The following SLC2A11 variants were observed in gnomAD, a reference collection of about 807,000 sequenced individuals.
SLC2A11 encodes the protein solute carrier family 2, facilitated glucose transporter member 11.
In SLC2A11, 43 loss-of-function variants were observed where a neutral mutation model predicts 52.1. That is an observed-to-expected ratio of 0.82 (90% CI 0.65 to 1.06). The LOEUF (loss-of-function observed/expected upper bound fraction) is 1.06, where lower values mean the gene tolerates loss of function less well. SLC2A11 is among the 50% of genes least tolerant of loss of function. SLC2A11 has a pLI of 0.00. For synonymous variants in SLC2A11, 261 were observed against 277.6 expected, an observed-to-expected ratio of 0.94 and a Z score of 0.59; for missense variants, 582 against 654.2, an observed-to-expected ratio of 0.89 and a Z score of 1.20.
chr22:23,859,004 C>T (rs1386301485), intron 1 of SLC2A11, among the ~76,000 whole-genome samples: 1 of 152,218 alleles, frequency 6.6e-6, no homozygotes, highest in Non-Finnish European at 1.5e-5. Flanking sequence ...TGAATGCTTA[C>T]CATGACCAGG....
upstream of SLC2A11, chr22:23,857,185 C>T: frequency 2.4e-6 from 2 of 842,674 alleles, no homozygotes; most frequent in Admixed American, 4.9e-5. Context: ...CCGGCAGTGG[C>T]GACCGGCGCA....
Position 23,869,888 on chromosome 22 carries a change from T to C in SLC2A11, c.290+1247T>C, listed in dbSNP as rs1179479356. The C allele has an allele frequency of 4.8e-5, 32 of 671,498 alleles. No homozygotes were observed. In the South Asian group the frequency reaches 5.4e-4, roughly 11 times the overall value. 41.6% of individuals were successfully genotyped at this position (671,498 alleles called of 1,614,324 possible). ...AAAGGGCGAATGCTGTGTCCTCATA[T>C]GGTGAAAGACAAAAGGGCAAAAGGC... On this transcript the variant is annotated intron_variant, in intron 3 of 11. Transcript: ENST00000316185.
chr22:23,863,608 GTTTTTTT>G (rs71184923), intron 2 of SLC2A11, among the ~76,000 whole-genome samples: 2 of 86,784 alleles, frequency 2.3e-5, no homozygotes, highest in Admixed American at 1.4e-4. Flanking sequence ...TCTCTCTCTG[GTTTTTTT>G]TTTTTTTTTT....
intron 5 of SLC2A11, chr22:23,877,473 AGAG>A (rs2032654745): frequency 3.9e-6 from 3 of 765,708 alleles, no homozygotes; most frequent in Non-Finnish European, 4.6e-6. Flanking sequence ...TCCAGAAAAA[AGAG>A]GAGAAGGCAG....
In SLC2A11 at chr22:23,884,437, C is replaced by T. The variant is rs775758206; in HGVS notation, c.1299+8C>T. On this transcript the variant is annotated splice_region_variant and intron_variant, in intron 11 of 11. Coordinates refer to ENST00000316185, the MANE Select transcript of SLC2A11 (RefSeq NM_001024939.4). This position sits in a 1 kb window ranked among gnomAD's most constrained non-coding sequence, Gnocchi z 4.3. ...GGATTTCCCTTTATCATGGTAGGCC[C>T]GCCCCTCCCGCTGGGGGCCCTGCCT... is the stretch of plus-strand genomic sequence containing the variant. The T allele has an allele frequency of 4.7e-5, 75 of 1,611,318 alleles. No individual in the cohort carries two copies. Among genetic ancestry groups the T allele is most frequent in the Middle Eastern group, 3.3e-4 (2 of 6,072 alleles).
Position 23,882,858 on chromosome 22 carries a change from G to T in SLC2A11, c.982G>T (p.Ala328Ser). The part of the protein sequence containing the change: ...IGTGSCELLT[A>S]VVSCVVIERV... ...GACTGGGAGCTGCGAGCTGCTCACGGCGGTTGTTAGTGTGAGTCTGGAGGG... is the reference window on the plus strand; with the variant it reads ...GACTGGGAGCTGCGAGCTGCTCACGTCGGTTGTTAGTGTGAGTCTGGAGGG... The change falls in exon 8 of 12, where the codon GCG becomes TCG. Residue 328 changes from alanine to serine, a missense_variant. Physicochemically the swap from Ala to Ser is moderately conservative, Grantham distance 99. Coordinates refer to ENST00000316185, the MANE Select transcript of SLC2A11 (RefSeq NM_001024939.4). The T allele has an allele frequency of 6.2e-7, 1 of 1,611,402 alleles. No individual in the cohort carries two copies. Among genetic ancestry groups the T allele is most frequent in the Non-Finnish European group, 8.5e-7 (1 of 1,178,750 alleles).
chr22:23,876,321 G>T (rs559295789), intron 4 of SLC2A11, among the ~76,000 whole-genome samples: 83 of 152,278 alleles, frequency 5.5e-4, no homozygotes, highest in Non-Finnish European at 5.1e-4. Flanking sequence ...CCAGCTAAAT[G>T]TTTGTAGGAA....
Position 23,862,154 on chromosome 22 carries a change from G to A in SLC2A11, c.81G>A (p.Gly27=), listed in dbSNP as rs1325664537. 2 of 1,614,034 alleles carry A rather than the reference G, an allele frequency of 1.2e-6. No individual in the cohort carries two copies. Among genetic ancestry groups the A allele is most frequent in the African/African-American group, 1.3e-5 (1 of 74,918 alleles). The change falls in exon 2 of 12, where the codon GGG becomes GGA. Residue 27 remains glycine, a synonymous_variant. Coordinates refer to ENST00000316185, the MANE Select transcript of SLC2A11 (RefSeq NM_001024939.4). ...CCATCTGCGCTGCCGGCATTGGTGG[G>A]ACTTTTCAGTTTGGCTATAACCTCT... The part of the protein sequence containing the change: ...LLTICAAGIG[G]TFQFGYNLSI...
chr22:23,867,727 A>G (rs1371388356), intron 2 of SLC2A11: 8 of 470,500 alleles, frequency 1.7e-5, no homozygotes. Flanking sequence ...AAACTCTTGA[A>G]TGACAAGATT....
rs150865871 is a variant in SLC2A11, at chr22:23,868,660, C to T, written c.290+19C>T. The T allele has an allele frequency of 5.0e-6, 8 of 1,613,454 alleles. No individual in the cohort carries two copies. Among genetic ancestry groups the T allele is most frequent in the Non-Finnish European group, 6.8e-6 (8 of 1,179,616 alleles). On this transcript the variant is annotated intron_variant, in intron 3 of 11. Transcript: ENST00000316185. ...TGGGAAGGTAAGTGCTTCCTGCATA[C>T]CCCCTGAATGCCCTTTAATGAGGAG...
chr22:23,879,235 C>T (rs555751697), intron 6 of SLC2A11, among the ~76,000 whole-genome samples: 1 of 151,968 alleles, frequency 6.6e-6, no homozygotes, highest in Non-Finnish European at 1.5e-5. Context: ...TTGATCAGCA[C>T]GGAAGTTTTC....
chr22:23,872,711 G>A (rs1420889710), intron 3 of SLC2A11: 1 of 152,228 alleles, frequency 6.6e-6, no homozygotes. Context: ...GCTCTCAGAG[G>A]TTTGTCCCTC....
chr22:23,883,236 C>T (rs1463450957), intron 8 of SLC2A11: 15 of 376,398 alleles, frequency 4.0e-5, no homozygotes, highest in Admixed American at 3.1e-4. Context: ...CACTCCAGCC[C>T]AGGCAATAGT....
In SLC2A11 at chr22:23,857,945, T is replaced by C. The variant is rs535888590; in HGVS notation, c.-55T>C. On this transcript the variant is annotated 5_prime_UTR_variant, in exon 1 of 12. The change abolishes an upstream ATG in the 5' untranslated region. Transcript: ENST00000316185. ...AGGCTGCCGGCTCACCGCTTGCTAA[T>C]GGCAGCCGGGGTCTCCCTGGGACAG... 6 of 1,594,144 alleles carry C rather than the reference T, an allele frequency of 3.8e-6. No individual in the cohort carries two copies. In the Admixed American group the frequency reaches 6.8e-5, roughly 18 times the overall value.
chr22:23,877,630 C>G (rs749421248), intron 5 of SLC2A11, 91 bp from the exon 6 acceptor site: 11 of 1,458,646 alleles, frequency 7.5e-6, no homozygotes, highest in Non-Finnish European at 9.2e-6. Flanking sequence ...TTGCAGACTC[C>G]CTGCAGGGAG....
chr22:23,885,023 A>C lies in SLC2A11; in HGVS notation c.*174A>C. On this transcript the variant is annotated 3_prime_UTR_variant, in exon 12 of 12. Coordinates refer to ENST00000316185, the MANE Select transcript of SLC2A11 (RefSeq NM_001024939.4). ...CAATCAATGGTGAGCGTGGTATTCC[A>C]GGCTAAAGGTAATTAACTGACAGAA... 1.7e-6 allele frequency: 1 copy of C among 593,330 alleles called. No individual in the cohort carries two copies. The highest frequency in any genetic ancestry group is 3.0e-6 in the Non-Finnish European group (1 of 335,566). The allele number at this position is 593,330 out of a possible 1,614,324, so 36.8% of individuals were successfully genotyped here. A position where few individuals can be genotyped will look rare whatever the true frequency, so the allele number is the denominator to read the frequency against.
chr22:23,876,981 G>A, intron 4 of SLC2A11, 61 bp from the exon 5 acceptor site: 1 of 1,611,634 alleles, frequency 6.2e-7, no homozygotes, highest in Non-Finnish European at 8.5e-7. Context: ...AGACAGGCTG[G>A]GTGTCGTGGA....
chr22:23,882,225 CAG>C (rs200135136), intron 6 of SLC2A11: 26 of 534,670 alleles, frequency 4.9e-5, no homozygotes, highest in Middle Eastern at 4.9e-4. Context: ...GACACAGAGA[CAG>C]AGAGATTGAG....
chr22:23,874,444 G>A (rs993707118), intron 3 of SLC2A11, among the ~76,000 whole-genome samples: 11 of 141,536 alleles, frequency 7.8e-5, no homozygotes, highest in Admixed American at 2.2e-4. Flanking sequence ...GCGCCATCAT[G>A]CATGGCTAAT....
Sources: gnomAD v4.1 joint callset for allele counts (sites outside exome capture counted in the v4.1 genomes callset) on GRCh38, gnomAD v4.1.1 for gene constraint, Gnocchi (gnomAD v3.1) non-coding constraint, MANE v1.5 for transcripts, NCBI Gene and HGNC (gene_info 2026-07-23, HGNC 2026-07-21) for gene names.